Variants in ANO4 observed in about 807,000 individuals in gnomAD.
ANO4 encodes anoctamin 4, also known as anoctamin-4.
In ANO4, 69 loss-of-function variants were observed where a neutral mutation model predicts 141.9. That is an observed-to-expected ratio of 0.49 (90% CI 0.40 to 0.59). ANO4 has a LOEUF of 0.59. Ranked by LOEUF, ANO4 falls within the 20% of genes least tolerant of loss-of-function variation. The pLI, the probability that ANO4 is intolerant of heterozygous loss-of-function variation, is 0.00. For synonymous variants in ANO4, 350 were observed against 394.3 expected (o/e 0.89, Z 1.33); for missense variants, 894 against 1,162.2 (o/e 0.77, Z 3.36).
upstream of ANO4, among the ~76,000 whole-genome samples, chr12:100,791,809 C>T (rs1013599727): frequency 6.6e-6 from 1 of 152,158 alleles, no homozygotes; most frequent in Non-Finnish European, 1.5e-5. Context: ...CCCCAGTGTA[C>T]ATAATACTTA....
rs573644065 is a variant in ANO4, at chr12:101,117,114, A to G, written c.2570+316A>G. 4.6e-5 allele frequency among the ~76,000 whole-genome samples: 7 copies of G among 152,324 alleles called. No homozygotes were observed. In the East Asian group the frequency reaches 5.8e-4, roughly 13 times the overall value. On this transcript the variant is annotated intron_variant, in intron 25 of 27. Coordinates refer to ENST00000392977, the MANE Select transcript of ANO4 (RefSeq NM_001286615.2). Reference sequence around the variant, plus strand: ...TGCTCCAGGGACTCAGGGACAGACAATCCCCAGGCGGGTTGAGCGACAGCT... The same window carrying G: ...TGCTCCAGGGACTCAGGGACAGACAGTCCCCAGGCGGGTTGAGCGACAGCT...
intron 1 of ANO4, among the ~76,000 whole-genome samples, chr12:100,823,260 A>G (rs1388641049): frequency 2.0e-5 from 3 of 152,006 alleles, no homozygotes; most frequent in Non-Finnish European, 4.4e-5. Flanking sequence ...TCATTTACTT[A>G]TATATGTGGC....
intron 1 of ANO4, among the ~76,000 whole-genome samples, chr12:100,811,964 G>T (rs1006466502): frequency 6.6e-6 from 1 of 152,052 alleles, no homozygotes; most frequent in African/African-American, 2.4e-5. Flanking sequence ...ATGTCATAGT[G>T]CTAATGATAT....
At chr12:100,957,043 C>G (rs2043199558) in intron 5 of ANO4, among the ~76,000 whole-genome samples, 1 of 152,166 alleles carries the variant, frequency 6.6e-6, no homozygotes, top group Non-Finnish European at 1.5e-5. Flanking sequence ...GGAACTGAAA[C>G]TTTCTTTGAA....
At chr12:100,833,100 G>C (rs1378621426) in intron 1 of ANO4, among the ~76,000 whole-genome samples, 3 of 152,046 alleles carry the variant, frequency 2.0e-5, no homozygotes, top group Non-Finnish European at 2.9e-5. Context: ...CATATGGAAG[G>C]GACTGGGGGA....
chr12:100,885,810 C>G (rs2039797326), intron 1 of ANO4, among the ~76,000 whole-genome samples: 1 of 152,128 alleles, frequency 6.6e-6, no homozygotes, highest in Admixed American at 6.5e-5. Context: ...GTTGCAGCTT[C>G]TCTCAAAGCT....
chr12:100,990,403 G>A (rs2045039477), intron 8 of ANO4, among the ~76,000 whole-genome samples: 1 of 152,186 alleles, frequency 6.6e-6, no homozygotes, highest in Middle Eastern at 3.4e-3. Flanking sequence ...AATTTCTAGG[G>A]ACTAGAACTG....
intron 3 of ANO4, among the ~76,000 whole-genome samples, chr12:100,765,778 A>G (rs548750873): frequency 6.6e-6 from 1 of 151,376 alleles, no homozygotes; most frequent in African/African-American, 2.4e-5. Flanking sequence ...ATGTATATTT[A>G]TGGGGTACAA....
At chr12:101,005,301 A>T (rs1360194568) in intron 8 of ANO4, among the ~76,000 whole-genome samples, 5 of 151,516 alleles carry the variant, frequency 3.3e-5, no homozygotes, top group Admixed American at 6.6e-5. Context: ...TTTATAGATT[A>T]AAAAAAATGA....
chr12:101,107,849 CAGTT>C (rs533900802), intron 22 of ANO4, among the ~76,000 whole-genome samples: 26 of 152,132 alleles, frequency 1.7e-4, no homozygotes, highest in Admixed American at 1.6e-3. Context: ...GCAAAAAAGT[CAGTT>C]AGAAAATCAG....
rs5800454 is a variant in ANO4, at chr12:101,075,729, TTA to T, written c.1313-3449_1313-3448del. Among the ~76,000 whole-genome samples, 1,077 of 144,394 alleles carry T rather than the reference TTA, an allele frequency of 7.5e-3. 8 individuals are homozygous for T. The highest frequency in any genetic ancestry group is 7.9e-3 in the Non-Finnish European group (526 of 66,252). 94.7% of individuals were successfully genotyped at this position (144,394 alleles called of 152,430 possible). A position where few individuals can be genotyped will look rare whatever the true frequency, so the allele number is the denominator to read the frequency against. On this transcript the variant is annotated intron_variant, in intron 14 of 27. Coordinates refer to ENST00000392977, the MANE Select transcript of ANO4 (RefSeq NM_001286615.2). ...TTATATAAAACAAATATATATATCT[TTA>T]TATATATATATATAACAAAAATATG... is the stretch of plus-strand genomic sequence containing the variant.
intron 1 of ANO4, among the ~76,000 whole-genome samples, chr12:100,883,710 G>A (rs780997705): frequency 6.6e-6 from 1 of 152,100 alleles, no homozygotes; most frequent in Non-Finnish European, 1.5e-5. Flanking sequence ...TCTGCTACTT[G>A]ACTCAATATA....
At chr12:100,887,519 CT>C (rs5800436) in intron 1 of ANO4, among the ~76,000 whole-genome samples, 33 of 147,610 alleles carry the variant, frequency 2.2e-4, no homozygotes, top group South Asian at 6.5e-4. Flanking sequence ...GGGTTTCTTT[CT>C]TTTTTTTTTT....
chr12:100,726,529 C>G (rs745536932), intron 1 of ANO4, among the ~76,000 whole-genome samples: 5 of 152,118 alleles, frequency 3.3e-5, no homozygotes, highest in South Asian at 4.1e-4. Context: ...CAGTGCTGCT[C>G]AGTTTAATGA....
intron 22 of ANO4, among the ~76,000 whole-genome samples, 188 bp from the exon 23 acceptor site, chr12:101,110,216 G>A (rs182453472): frequency 3.9e-5 from 6 of 152,200 alleles, no homozygotes; most frequent in African/African-American, 7.2e-5. Context: ...CCAGGATTCC[G>A]TTGCTTCCAG....
chr12:100,998,483 T>G (rs925514827), intron 8 of ANO4, among the ~76,000 whole-genome samples: 8 of 152,186 alleles, frequency 5.3e-5, no homozygotes, highest in African/African-American at 1.7e-4. Flanking sequence ...CTAGTTGTCT[T>G]TGTTGTTTGA....
chr12:100,790,590 A>G (rs187736456), upstream of ANO4, among the ~76,000 whole-genome samples: 2 of 152,206 alleles, frequency 1.3e-5, no homozygotes, highest in East Asian at 3.9e-4. Flanking sequence ...CACCAGACTC[A>G]GCCTAATTCT....
intron 1 of ANO4, among the ~76,000 whole-genome samples, chr12:100,804,519 A>G (rs2034884987): frequency 2.0e-5 from 3 of 152,200 alleles, no homozygotes; most frequent in Admixed American, 6.5e-5. Context: ...TCTCTGAGGA[A>G]TTGCTACAGT....
intron 5 of ANO4, among the ~76,000 whole-genome samples, chr12:100,970,679 T>C (rs1177243579): frequency 1.6e-5 from 1 of 63,572 alleles, no homozygotes; most frequent in Non-Finnish European, 2.7e-5. Context: ...CCTTCCTTCC[T>C]TCCTTCCTTC....
Sources: gnomAD v4.1 joint callset for allele counts (sites outside exome capture counted in the v4.1 genomes callset) on GRCh38, gnomAD v4.1.1 for gene constraint, MANE v1.5 for transcripts, NCBI Gene and HGNC (gene_info 2026-07-23, HGNC 2026-07-21) for gene names.